Variants in TMEM181 observed in about 807,000 individuals in gnomAD.
TMEM181 encodes the protein transmembrane protein 181, also known as G protein-coupled receptor 178.
In TMEM181, 39 loss-of-function variants were observed where a neutral mutation model predicts 71.9. That is an observed-to-expected ratio of 0.54 (90% confidence interval 0.42 to 0.71). The LOEUF (loss-of-function observed/expected upper bound fraction) is 0.71. Ranked by LOEUF, TMEM181 falls within the 30% of genes least tolerant of loss-of-function variation. The pLI, the probability that TMEM181 is intolerant of heterozygous loss-of-function variation, is 0.00. For synonymous variants in TMEM181, 245 were observed against 228.8 expected, an observed-to-expected ratio of 1.07 and a Z score of -0.64; for missense variants, 595 against 583.0, an observed-to-expected ratio of 1.02 and a Z score of -0.21.
chr6:158,629,808 A>C lies in TMEM181; in HGVS notation c.1271A>C (p.Asn424Thr). ...GCCTTTGTATATTCTCCATCGAAGA[A>C]TGCCCTCTATGGTAAGCCACCCTGG... ...TLAFVYSPSK[N>T]ALYESQLKDN... Residue 424 changes from asparagine (N) to threonine (T), a missense_variant, in exon 15 of 17, where the codon AAT becomes ACT. Asn to Thr is a moderately conservative substitution (Grantham distance 65). Coordinates refer to ENST00000684151, the MANE Select transcript of TMEM181 (RefSeq NM_001376852.1). 1 of 1,614,006 alleles carries C rather than the reference A, an allele frequency of 6.2e-7. No individual in the cohort carries two copies. Among genetic ancestry groups the C allele is most frequent in the Non-Finnish European group, 8.5e-7 (1 of 1,179,868 alleles).
chr6:158,623,263 T>G lies in TMEM181; in HGVS notation c.897-287T>G, dbSNP rs191108253. Among the ~76,000 whole-genome samples, 967 of 152,332 alleles carry G rather than the reference T, an allele frequency of 6.3e-3. 9 individuals are homozygous for G. The highest frequency in any genetic ancestry group is 0.022 in the African/African-American group (923 of 41,572). ...AAAAGGTGACTGGAAAAACAGCTCT[T>G]AAAACTGCAAGAGAAATAGTATATA... On this transcript the variant is annotated intron_variant, in intron 10 of 16. Coordinates refer to ENST00000684151, the MANE Select transcript of TMEM181 (RefSeq NM_001376852.1).
At chr6:158,569,941 C>T (rs540573140) in intron 1 of TMEM181, among the ~76,000 whole-genome samples, 4 of 152,228 alleles carry the variant, frequency 2.6e-5, no homozygotes, top group Middle Eastern at 3.4e-3. Flanking sequence ...TTGCAACGTT[C>T]CTTCTCATTT....
chr6:158,536,842 C>T, exon 1 of TMEM181: 3 of 1,501,002 alleles, frequency 2.0e-6, no homozygotes, highest in African/African-American at 2.9e-5. Flanking sequence ...ACCTCACGCC[C>T]TTCAAGGATG....
chr6:158,597,212 A>G (rs187565285), intron 6 of TMEM181, among the ~76,000 whole-genome samples: 2 of 152,300 alleles, frequency 1.3e-5, no homozygotes, highest in East Asian at 1.9e-4. Flanking sequence ...TTCCATGAAC[A>G]TTTGGTTCAT....
At chr6:158,540,232 G>T (rs1427204368) in intron 1 of TMEM181, among the ~76,000 whole-genome samples, 1 of 152,166 alleles carries the variant, frequency 6.6e-6, no homozygotes, top group African/African-American at 2.4e-5. Flanking sequence ...CCACCAAAAT[G>T]GTAACAAGGA....
chr6:158,557,104 C>T (rs572637293), upstream of TMEM181, among the ~76,000 whole-genome samples: 4 of 152,206 alleles, frequency 2.6e-5, no homozygotes, highest in South Asian at 4.1e-4. Flanking sequence ...TCTCCAAAGG[C>T]GGTGCACCTC....
At chr6:158,551,223 G>C (rs552188992) in intron 1 of TMEM181, among the ~76,000 whole-genome samples, 1 of 152,238 alleles carries the variant, frequency 6.6e-6, no homozygotes, top group African/African-American at 2.4e-5. Context: ...GCCTCCCAAA[G>C]TGCTGGGATT....
chr6:158,565,231 T>C (rs1449484829), intron 1 of TMEM181, among the ~76,000 whole-genome samples: 1 of 152,244 alleles, frequency 6.6e-6, no homozygotes, highest in Non-Finnish European at 1.5e-5. Context: ...AGCTGAGTGC[T>C]TGCGGACTGC....
chr6:158,539,685 G>A (rs1781267058), intron 1 of TMEM181, among the ~76,000 whole-genome samples: 1 of 152,234 alleles, frequency 6.6e-6, no homozygotes, highest in Non-Finnish European at 1.5e-5. Flanking sequence ...TCAGTGAAGA[G>A]CTGCAGCTAT....
intron 1 of TMEM181, among the ~76,000 whole-genome samples, chr6:158,569,392 C>T (rs188843712): frequency 3.0e-4 from 45 of 152,354 alleles, no homozygotes; most frequent in African/African-American, 9.6e-4. Flanking sequence ...TTATACCCAG[C>T]TTACACTTGC....
At chr6:158,617,945 G>A (rs939110246) in intron 10 of TMEM181, among the ~76,000 whole-genome samples, 1 of 152,242 alleles carries the variant, frequency 6.6e-6, no homozygotes, top group Non-Finnish European at 1.5e-5. Context: ...TGAGAAGAAT[G>A]TATATTCCAT....
intron 1 of TMEM181, among the ~76,000 whole-genome samples, chr6:158,572,955 C>T (rs938191350): frequency 7.3e-4 from 111 of 151,824 alleles, no homozygotes; most frequent in Non-Finnish European, 1.3e-3. Context: ...GAGTGTGGTG[C>T]TGGCAGTACC....
chr6:158,624,147 C>T (rs1038819475), intron 11 of TMEM181, among the ~76,000 whole-genome samples: 6 of 152,170 alleles, frequency 3.9e-5, no homozygotes, highest in African/African-American at 7.2e-5. Flanking sequence ...TGGTTCTGGT[C>T]GGCTGCTCTT....
chr6:158,568,329 G>A (rs1782629265), intron 1 of TMEM181, among the ~76,000 whole-genome samples: 1 of 152,156 alleles, frequency 6.6e-6, no homozygotes, highest in Non-Finnish European at 1.5e-5. Context: ...GGGCAGCGCT[G>A]CTTCAGAGTG....
chr6:158,575,375 C>G (rs796658752), intron 2 of TMEM181, among the ~76,000 whole-genome samples: 1 of 151,356 alleles, frequency 6.6e-6, no homozygotes, highest in African/African-American at 2.4e-5. Context: ...TTTGCCCAGG[C>G]TAGAGTGCAG....
At chr6:158,601,545 G>T (rs4709228) in intron 6 of TMEM181, among the ~76,000 whole-genome samples, 1 of 151,856 alleles carries the variant, frequency 6.6e-6, no homozygotes, top group Non-Finnish European at 1.5e-5. Context: ...TGGATCACAA[G>T]GTCAGGAGTT....
chr6:158,554,269 A>G (rs1371141884), intron 1 of TMEM181, among the ~76,000 whole-genome samples: 2 of 152,016 alleles, frequency 1.3e-5, no homozygotes, highest in Non-Finnish European at 2.9e-5. Flanking sequence ...TATTTTTAGT[A>G]GAGACGAGGT....
chr6:158,544,798 T>C (rs563851629), intron 1 of TMEM181, among the ~76,000 whole-genome samples: 1 of 152,254 alleles, frequency 6.6e-6, no homozygotes, highest in South Asian at 2.1e-4. Context: ...CTCCTGCTCT[T>C]TTTATAACAG....
chr6:158,565,815 G>A (rs976767053), intron 1 of TMEM181, among the ~76,000 whole-genome samples: 2 of 152,110 alleles, frequency 1.3e-5, no homozygotes, highest in Non-Finnish European at 2.9e-5. Context: ...TCCTGCGGGC[G>A]AGTGGACAGT....
Sources: allele counts gnomAD v4.1 joint callset (sites outside exome capture counted in the v4.1 genomes callset), GRCh38; gene constraint gnomAD v4.1.1; transcripts MANE v1.5; gene names NCBI Gene and HGNC (gene_info 2026-07-23, HGNC 2026-07-21).